The following ATXN1 variants were observed in gnomAD, a reference collection of about 807,000 sequenced individuals.
ATXN1 encodes ataxin 1, also known as ataxin-1.
In ATXN1, 8 loss-of-function variants were observed where a neutral mutation model predicts 56.4. The observed-to-expected ratio is 0.14, with a 90% CI of 0.08 to 0.26. The LOEUF (loss-of-function observed/expected upper bound fraction) is 0.26, where lower values mean the gene tolerates loss of function less well. Among genes scored for constraint, ATXN1 ranks in the 10% least tolerant of loss-of-function variants. The pLI is 1.00. For synonymous variants in ATXN1, 514 were observed against 494.6 expected (o/e 1.04, Z -0.52); for missense variants, 987 against 1,106.5 (o/e 0.89, Z 1.53).
intron 6 of ATXN1, among the ~76,000 whole-genome samples, chr6:16,471,191 AACACACAC>A (rs5874560): frequency 1.4e-5 from 2 of 148,102 alleles, no homozygotes; most frequent in South Asian, 2.2e-4. Context: ...TGGCAATTAA[AACACACAC>A]ACACACACAC....
At chr6:16,461,435 G>A (rs534205486) in intron 6 of ATXN1, among the ~76,000 whole-genome samples, 3 of 152,326 alleles carry the variant, frequency 2.0e-5, no homozygotes, top group African/African-American at 7.2e-5. Context: ...CATCCAACAA[G>A]TAGTCAAAGC....
intron 6 of ATXN1, among the ~76,000 whole-genome samples, chr6:16,372,134 A>T (rs993446636): frequency 1.3e-5 from 2 of 152,206 alleles, no homozygotes; most frequent in Non-Finnish European, 2.9e-5. Flanking sequence ...TTCTTTTATA[A>T]AACAGGAAGG....
chr6:16,579,140 G>T (rs765076969), intron 4 of ATXN1, among the ~76,000 whole-genome samples: 1 of 152,160 alleles, frequency 6.6e-6, no homozygotes, highest in Non-Finnish European at 1.5e-5. Context: ...CATTTAAGGG[G>T]TTAAGCATCT....
chr6:16,537,610 G>C (rs1200521654), intron 4 of ATXN1, among the ~76,000 whole-genome samples: 1 of 151,906 alleles, frequency 6.6e-6, no homozygotes, highest in African/African-American at 2.4e-5. Context: ...GCAGGCTGGG[G>C]CAGGAGAATC....
At chr6:16,694,380 A>G (rs1420005490) in intron 2 of ATXN1, among the ~76,000 whole-genome samples, 1 of 151,784 alleles carries the variant, frequency 6.6e-6, no homozygotes, top group Non-Finnish European at 1.5e-5. Context: ...CAGCCTCCCA[A>G]GTAGCTGGGA....
intron 2 of ATXN1, among the ~76,000 whole-genome samples, chr6:16,688,761 T>C (rs369567320): frequency 8.5e-5 from 13 of 152,194 alleles, no homozygotes; most frequent in South Asian, 4.1e-4. Flanking sequence ...CTGCCTAAAA[T>C]GCAATGCCAT....
intron 4 of ATXN1, among the ~76,000 whole-genome samples, chr6:16,557,825 A>C (rs1487343777): frequency 1.3e-5 from 2 of 152,246 alleles, no homozygotes; most frequent in South Asian, 2.1e-4. Flanking sequence ...ATAAATCCCA[A>C]GGTGACCAAA....
At chr6:16,669,485 C>G (rs1387826803) in intron 2 of ATXN1, among the ~76,000 whole-genome samples, 1 of 152,146 alleles carries the variant, frequency 6.6e-6, no homozygotes, top group Non-Finnish European at 1.5e-5. Context: ...TAAGTATTTA[C>G]TTATGGCAAC....
chr6:16,420,191 A>G (rs1759003015), intron 6 of ATXN1, among the ~76,000 whole-genome samples: 1 of 152,230 alleles, frequency 6.6e-6, no homozygotes, highest in African/African-American at 2.4e-5. Flanking sequence ...ACTGTTCTCC[A>G]TAACGTGAGC....
intron 6 of ATXN1, among the ~76,000 whole-genome samples, chr6:16,433,964 T>C (rs1216842347): frequency 2.0e-5 from 3 of 152,310 alleles, no homozygotes; most frequent in Admixed American, 6.5e-5. Flanking sequence ...TCAGCAAACA[T>C]GGATGCCAAA....
intron 2 of ATXN1, among the ~76,000 whole-genome samples, chr6:16,719,003 T>C (rs1340585172): frequency 2.0e-5 from 3 of 152,328 alleles, no homozygotes; most frequent in East Asian, 1.9e-4. Flanking sequence ...TCCTGGGGAC[T>C]CTGTCTTTAT....
At chr6:16,400,854 T>C (rs1295824455) in intron 6 of ATXN1, among the ~76,000 whole-genome samples, 1 of 152,172 alleles carries the variant, frequency 6.6e-6, no homozygotes, top group Non-Finnish European at 1.5e-5. Flanking sequence ...GCCATTTTTA[T>C]TGGCTAACAC....
At chr6:16,612,489 GATA>G (rs1711914974) in intron 3 of ATXN1, among the ~76,000 whole-genome samples, 1 of 152,144 alleles carries the variant, frequency 6.6e-6, no homozygotes, top group Non-Finnish European at 1.5e-5. Flanking sequence ...AGACAATAAA[GATA>G]ATGAGAAAAT....
intron 4 of ATXN1, among the ~76,000 whole-genome samples, chr6:16,536,740 G>A (rs1761607472): frequency 6.6e-6 from 1 of 152,176 alleles, no homozygotes; most frequent in Admixed American, 6.5e-5. Context: ...ATGCAATTAG[G>A]CTATTAAATA....
intron 2 of ATXN1, among the ~76,000 whole-genome samples, chr6:16,681,860 C>T (rs6923746): frequency 0.055 from 8,392 of 152,240 alleles, 295 homozygotes; most frequent in Admixed American, 0.12. Flanking sequence ...AAGAACTGTG[C>T]ATTTAAATGC....
At chr6:16,517,188 G>T (rs1322455455) in intron 5 of ATXN1, among the ~76,000 whole-genome samples, 1 of 152,172 alleles carries the variant, frequency 6.6e-6, no homozygotes, top group Non-Finnish European at 1.5e-5. Context: ...TTACTTATTT[G>T]TGTTGACCCT....
intron 4 of ATXN1, among the ~76,000 whole-genome samples, chr6:16,578,442 A>G (rs1189523740): frequency 1.3e-5 from 2 of 152,244 alleles, no homozygotes; most frequent in Non-Finnish European, 2.9e-5. Context: ...GAAAATCTGA[A>G]GAGTTCTACA....
chr6:16,706,650 A>C (rs1248735791), intron 2 of ATXN1, among the ~76,000 whole-genome samples: 1 of 150,828 alleles, frequency 6.6e-6, no homozygotes, highest in African/African-American at 2.4e-5. Context: ...GCTTGAACCC[A>C]GAGGCGGAAG....
intron 5 of ATXN1, among the ~76,000 whole-genome samples, chr6:16,488,430 C>T (rs1164420250): frequency 6.6e-6 from 1 of 152,178 alleles, no homozygotes; most frequent in East Asian, 1.9e-4. Flanking sequence ...TTATGCCCAC[C>T]GTTAACAGTG....
Sources: allele counts gnomAD v4.1 joint callset (sites outside exome capture counted in the v4.1 genomes callset), GRCh38; gene constraint gnomAD v4.1.1; transcripts MANE v1.5; gene names NCBI Gene and HGNC (gene_info 2026-07-23, HGNC 2026-07-21).